Variants in DNASE2B observed in about 807,000 individuals in gnomAD.
The protein encoded by DNASE2B is deoxyribonuclease 2 beta, also known as deoxyribonuclease-2-beta.
DNASE2B carries 43 observed loss-of-function variants against 46.0 expected under a neutral mutation model. The ratio of observed to expected loss-of-function variants is 0.94; its 90% CI spans 0.73 to 1.21. The LOEUF (loss-of-function observed/expected upper bound fraction) is 1.21, where lower values mean the gene tolerates loss of function less well. Among genes scored for constraint, DNASE2B ranks in the 50% most tolerant of loss-of-function variants. The pLI is 0.00. For synonymous variants in DNASE2B, 156 were observed against 152.5 expected (o/e 1.02, Z -0.17); for missense variants, 395 against 414.4 (o/e 0.95, Z 0.41).
chr1:84,399,033 T>C (rs1317908020), intron 1 of DNASE2B, among the ~76,000 whole-genome samples: 1 of 152,178 alleles, frequency 6.6e-6, no homozygotes, highest in Non-Finnish European at 1.5e-5. Context: ...ACTTCCAACA[T>C]CCTTTGAAAG....
At chr1:84,412,238 C>A in intron 4 of DNASE2B, 111 bp from the exon 5 acceptor site, 2 of 1,012,268 alleles carry the variant, frequency 2.0e-6, no homozygotes, top group Non-Finnish European at 2.7e-6. Context: ...AAAGAAATGC[C>A]TTTGTTTTTG....
Position 84,410,854 on chromosome 1 carries a change from C to G in DNASE2B, c.402C>G (p.Asn134Lys). 6.2e-7 allele frequency: 1 copy of G among 1,613,150 alleles called. No individual in the cohort carries two copies. Among genetic ancestry groups the G allele is most frequent in the Non-Finnish European group, 8.5e-7 (1 of 1,179,622 alleles). Residue 134 changes from asparagine (N) to lysine (K), a missense_variant, in exon 4 of 6, where the codon AAC becomes AAG. Coordinates refer to ENST00000370665, the MANE Select transcript of DNASE2B (RefSeq NM_021233.3). ...CTTTGGTAGGTTTACTGCTGTGGAA[C>G]AGAGTTCAAGGGTTCTGGCTGATTC... ...YGHTKGLLLWNRVQGFWLIHS... is the reference protein window; with the variant it reads ...YGHTKGLLLWKRVQGFWLIHS...
In DNASE2B at chr1:84,414,885, C is replaced by A; in HGVS notation, c.*17C>A. On this transcript the variant is annotated 3_prime_UTR_variant, in exon 6 of 6. Coordinates refer to ENST00000370665, the MANE Select transcript of DNASE2B (RefSeq NM_021233.3). ...TGTAAGTAAACTTGGTGAAAGGACA[C>A]AGGTACTATCATTGAAAACCTTGAC... 6.4e-7 allele frequency: 1 copy of A among 1,565,788 alleles called. No individual in the cohort carries two copies. The highest frequency in any genetic ancestry group is 8.7e-7 in the Non-Finnish European group (1 of 1,145,808).
In DNASE2B at chr1:84,401,921, C is replaced by T; in HGVS notation, c.146C>T (p.Pro49Leu). 1.3e-6 allele frequency: 2 copies of T among 1,522,554 alleles called. No homozygotes were observed. Among genetic ancestry groups the T allele is most frequent in the East Asian group, 2.4e-5 (1 of 41,122 alleles). The allele number at this position is 1,522,554 out of a possible 1,614,324, so 94.3% of individuals were successfully genotyped here. The change falls in exon 2 of 6, where the codon CCT (proline) becomes CTT (leucine). Residue 49 changes from proline (P) to leucine (L), a missense_variant. By Grantham distance (98) the Pro-to-Leu change is moderately conservative (BLOSUM62 -3). Coordinates refer to ENST00000370665, the MANE Select transcript of DNASE2B (RefSeq NM_021233.3). ...GTTAGGTTTACTTTTTATAAGTTAC[C>T]TAAAAGACAAAACAAGGAAAGTGGA... Reference protein sequence around the residue: ...AVDWFTFYKLPKRQNKESGET... With the variant: ...AVDWFTFYKLLKRQNKESGET...
At chr1:84,405,683 A>G (rs938674028) in intron 2 of DNASE2B, among the ~76,000 whole-genome samples, 1 of 152,246 alleles carries the variant, frequency 6.6e-6, no homozygotes, top group Admixed American at 6.5e-5. Context: ...AATTTACTGG[A>G]GAGAACTGCT....
chr1:84,406,244 A>G (rs1680488916), intron 2 of DNASE2B, among the ~76,000 whole-genome samples: 1 of 152,200 alleles, frequency 6.6e-6, no homozygotes, highest in Non-Finnish European at 1.5e-5. Context: ...GACCAGAAGC[A>G]TATCTATTAG....
At chr1:84,410,798 T>C (rs762404270) in intron 3 of DNASE2B, 40 bp from the exon 4 acceptor site, 138 of 1,585,982 alleles carry the variant, frequency 8.7e-5, no homozygotes, top group Admixed American at 3.0e-4. Flanking sequence ...AAAGAAGCTT[T>C]GTTTTTCTGA....
chr1:84,409,371 T>C (rs1362059196), intron 3 of DNASE2B, among the ~76,000 whole-genome samples: 1 of 152,144 alleles, frequency 6.6e-6, no homozygotes, highest in Non-Finnish European at 1.5e-5. Flanking sequence ...CAGTTACTAT[T>C]CAACTTGCCT....
At chr1:84,409,698 T>C (rs1680555472) in intron 3 of DNASE2B, among the ~76,000 whole-genome samples, 1 of 152,122 alleles carries the variant, frequency 6.6e-6, no homozygotes, top group African/African-American at 2.4e-5. Flanking sequence ...TCCAACAATC[T>C]CCCACACTAT....
At position 84,410,920 on chromosome 1, in the gene DNASE2B, T is replaced by A. The variant is rs1411029410; in HGVS notation, c.468T>A (p.Tyr156Ter). 6.2e-7 allele frequency: 1 copy of A among 1,613,280 alleles called. No homozygotes were observed. The highest frequency in any genetic ancestry group is 8.5e-7 in the Non-Finnish European group (1 of 1,179,680). ...PQFPPIPEEG[Y>*]DYPPTGRRNG... ...TTCCTCCAATTCCGGAAGAAGGCTA[T>A]GATTATCCACCCACAGGGAGACGAA... is the stretch of plus-strand genomic sequence containing the variant. Residue 156 changes from tyrosine to a stop codon, truncating the protein, a stop_gained, in exon 4 of 6, where the codon TAT (tyrosine) becomes TAA (stop). Coordinates refer to ENST00000370665, the MANE Select transcript of DNASE2B (RefSeq NM_021233.3). LOFTEE classifies it high-confidence loss of function.
intron 3 of DNASE2B, among the ~76,000 whole-genome samples, chr1:84,408,737 A>C (rs1680537195): frequency 6.6e-6 from 1 of 152,012 alleles, no homozygotes; most frequent in South Asian, 2.1e-4. Context: ...TTTATTTCTT[A>C]ACATATTTTA....
chr1:84,398,781 A>G, intron 1 of DNASE2B, 92 bp downstream of exon 1: 2 of 1,517,434 alleles, frequency 1.3e-6, no homozygotes, highest in Non-Finnish European at 1.8e-6. Context: ...GGGAATGTCC[A>G]TTCTCTTTCC....
chr1:84,404,618 C>T (rs906004901), intron 2 of DNASE2B, among the ~76,000 whole-genome samples: 1 of 152,206 alleles, frequency 6.6e-6, no homozygotes, highest in African/African-American at 2.4e-5. Context: ...ACAACTTTGA[C>T]ACCTTTGGTG....
chr1:84,401,122 G>A (rs778859537), intron 1 of DNASE2B, among the ~76,000 whole-genome samples: 23 of 152,164 alleles, frequency 1.5e-4, no homozygotes, highest in Non-Finnish European at 2.2e-4. Context: ...GTTCTCAACC[G>A]AGGGTAATTT....
chr1:84,410,907 C>G lies in DNASE2B; in HGVS notation c.455C>G (p.Pro152Arg). 2 of 1,613,228 alleles carry G rather than the reference C, an allele frequency of 1.2e-6. No individual in the cohort carries two copies. Among genetic ancestry groups the G allele is most frequent in the Non-Finnish European group, 1.7e-6 (2 of 1,179,654 alleles). ...TCCATCCCTCAGTTTCCTCCAATTCCGGAAGAAGGCTATGATTATCCACCC... is the reference window on the plus strand; with the variant it reads ...TCCATCCCTCAGTTTCCTCCAATTCGGGAAGAAGGCTATGATTATCCACCC... Reference protein sequence around the residue: ...IHSIPQFPPIPEEGYDYPPTG... With the variant: ...IHSIPQFPPIREEGYDYPPTG... The change falls in exon 4 of 6, where the codon CCG becomes CGG. Residue 152 changes from proline (P) to arginine (R), a missense_variant. Transcript: ENST00000370665.
At position 84,414,768 on chromosome 1, in the gene DNASE2B, C is replaced by T. The variant is rs1203230383; in HGVS notation, c.986C>T (p.Pro329Leu). The T allele has an allele frequency of 1.2e-6, 2 of 1,614,032 alleles. No homozygotes were observed. Among genetic ancestry groups the T allele is most frequent in the Non-Finnish European group, 1.7e-6 (2 of 1,180,034 alleles). ...WTCIGDLNRS[P>L]HQAFRSGGFI... ...TGTATTGGAGACCTAAATCGGAGTC[C>T]ACACCAAGCCTTCAGAAGTGGAGGA... Residue 329 changes from proline to leucine, a missense_variant, in exon 6 of 6, where the codon CCA (proline) becomes CTA (leucine). Pro to Leu is a moderately conservative substitution (Grantham distance 98). Coordinates refer to ENST00000370665, the MANE Select transcript of DNASE2B (RefSeq NM_021233.3).
In DNASE2B at chr1:84,404,754, A is replaced by G. The variant is rs554568281; in HGVS notation, c.303+2676A>G. ...CAAAGCATCACTGGAACCAATTTAG[A>G]AAAAGGGTTTTGTTGCCCAGGCCTT... is the stretch of plus-strand genomic sequence containing the variant. On this transcript the variant is annotated intron_variant, in intron 2 of 5. Coordinates refer to ENST00000370665, the MANE Select transcript of DNASE2B (RefSeq NM_021233.3). 3.3e-5 allele frequency among the ~76,000 whole-genome samples: 5 copies of G among 152,314 alleles called. No individual in the cohort carries two copies. The East Asian group carries it at 7.7e-4, about 24-fold the overall frequency.
rs1680577911 is a variant in DNASE2B, at chr1:84,410,977, G to A, written c.525G>A (p.Lys175=). Residue 175 remains lysine (K), a synonymous_variant, in exon 4 of 6, where the codon AAG becomes AAA. Coordinates refer to ENST00000370665, the MANE Select transcript of DNASE2B (RefSeq NM_021233.3). The part of the protein sequence containing the change: ...NGQSGICITF[K]YNQYEAIDSQ... ...AAAGTGGCATCTGCATAACTTTCAAGTACAACCAGTATGAGGCAATAGGTA... is the reference window on the plus strand; with the variant it reads ...AAAGTGGCATCTGCATAACTTTCAAATACAACCAGTATGAGGCAATAGGTA... 2 of 1,610,592 alleles carry A rather than the reference G, an allele frequency of 1.2e-6. No homozygotes were observed. Among genetic ancestry groups the A allele is most frequent in the Non-Finnish European group, 1.7e-6 (2 of 1,178,412 alleles).
intron 2 of DNASE2B, among the ~76,000 whole-genome samples, chr1:84,405,319 T>G (rs1047084376): frequency 1.3e-5 from 2 of 152,240 alleles, no homozygotes; most frequent in East Asian, 1.9e-4. Context: ...TAATTTTAAG[T>G]ATGAGCTATA....
Sources: gnomAD v4.1 joint callset for allele counts (sites outside exome capture counted in the v4.1 genomes callset) on GRCh38, gnomAD v4.1.1 for gene constraint, MANE v1.5 for transcripts, NCBI Gene and HGNC (gene_info 2026-07-23, HGNC 2026-07-21) for gene names.